Variants in UGT1A8 observed in about 807,000 individuals in gnomAD.
UGT1A8 encodes the protein UDP-glucuronosyltransferase 1A8.
Under a neutral mutation model 45.3 loss-of-function variants are expected in UGT1A8, and 39 were observed. That is an observed-to-expected ratio of 0.86 (90% CI 0.67 to 1.12). The LOEUF is 1.12. Among genes scored for constraint, UGT1A8 ranks in the 50% most tolerant of loss-of-function variants. UGT1A8 has a pLI of 0.00. For synonymous variants in UGT1A8, 275 were observed against 249.2 expected (o/e 1.10, Z -0.97); for missense variants, 719 against 664.9 (o/e 1.08, Z -0.90).
chr2:233,691,615 C>T lies in UGT1A8; in HGVS notation c.855+73053C>T. 4.1e-6 allele frequency: 4 copies of T among 985,680 alleles called. No homozygotes were observed. In the South Asian group the frequency reaches 1.9e-4, roughly 46 times the overall value. The allele number at this position is 985,680 out of a possible 1,614,324, so 61.1% of individuals were successfully genotyped here. ...TACACAGGTCTTGCTCTGGGACCGC[C>T]CTCAGCAGTGTGGTTAGCAGGCAGG... On this transcript the variant is annotated intron_variant, in intron 1 of 4. Coordinates refer to ENST00000373450, the MANE Select transcript of UGT1A8 (RefSeq NM_019076.5).
At chr2:233,646,558 T>A (rs1025962848) in intron 1 of UGT1A8, among the ~76,000 whole-genome samples, 2 of 152,162 alleles carry the variant, frequency 1.3e-5, no homozygotes, top group Admixed American at 1.3e-4. Flanking sequence ...TTACCCTAAA[T>A]CATCTTTCTA....
At chr2:233,742,275 G>A (rs530513116) in intron 1 of UGT1A8, among the ~76,000 whole-genome samples, 1 of 152,110 alleles carries the variant, frequency 6.6e-6, no homozygotes, top group East Asian at 1.9e-4. Context: ...CCTGTGATAA[G>A]CATCATTTCT....
chr2:233,671,900 A>G (rs2074201985), intron 1 of UGT1A8: 2 of 1,573,802 alleles, frequency 1.3e-6, no homozygotes, highest in African/African-American at 1.4e-5. Context: ...AGGAGCTTAG[A>G]TTCCCAGCTG....
chr2:233,748,077 C>T, intron 1 of UGT1A8: 1 of 1,613,256 alleles, frequency 6.2e-7, no homozygotes, highest in Non-Finnish European at 8.5e-7. Flanking sequence ...GCCACTATCT[C>T]AGGTCGGTGT....
intron 1 of UGT1A8, chr2:233,648,072 C>T: frequency 1.9e-6 from 3 of 1,546,430 alleles, no homozygotes; most frequent in South Asian, 1.3e-5. Context: ...CTTCTTCAAC[C>T]TTATACACCC....
At chr2:233,640,183 A>G (rs2073414435) in intron 1 of UGT1A8, among the ~76,000 whole-genome samples, 1 of 152,234 alleles carries the variant, frequency 6.6e-6, no homozygotes, top group Admixed American at 6.5e-5. Flanking sequence ...GTTTACTTCA[A>G]GTATTTATTT....
intron 1 of UGT1A8, among the ~76,000 whole-genome samples, chr2:233,635,264 T>C (rs547738684): frequency 2.1e-4 from 32 of 150,734 alleles, no homozygotes; most frequent in African/African-American, 7.4e-4. Context: ...TTGGTGAATC[T>C]GATGATTATG....
At chr2:233,716,982 C>T (rs1450742007) in intron 1 of UGT1A8, among the ~76,000 whole-genome samples, 2 of 152,212 alleles carry the variant, frequency 1.3e-5, no homozygotes. Context: ...TCCCCACAGT[C>T]CTGCTGTCCT....
At chr2:233,718,225 A>G (rs1206675638) in intron 1 of UGT1A8, among the ~76,000 whole-genome samples, 1 of 152,212 alleles carries the variant, frequency 6.6e-6, no homozygotes, top group Admixed American at 6.5e-5. Context: ...GCCACTTCAG[A>G]GAGAGTCCTC....
chr2:233,668,184 TC>T (rs1273143636), intron 1 of UGT1A8, among the ~76,000 whole-genome samples: 3 of 152,156 alleles, frequency 2.0e-5, no homozygotes, highest in Non-Finnish European at 2.9e-5. Context: ...TAGGTATTTT[TC>T]CTAATGCTAT....
At chr2:233,665,318 T>C (rs1396118331) in intron 1 of UGT1A8, among the ~76,000 whole-genome samples, 1 of 152,208 alleles carries the variant, frequency 6.6e-6, no homozygotes, top group African/African-American at 2.4e-5. Flanking sequence ...TTTTGCACAT[T>C]AGTATGTAAA....
intron 1 of UGT1A8, among the ~76,000 whole-genome samples, chr2:233,632,442 C>A (rs1210939629): frequency 6.6e-6 from 1 of 152,184 alleles, no homozygotes; most frequent in Non-Finnish European, 1.5e-5. Context: ...GCCATTTTCA[C>A]AATATTGATT....
chr2:233,631,981 G>T (rs1483331267), intron 1 of UGT1A8, among the ~76,000 whole-genome samples: 2 of 152,162 alleles, frequency 1.3e-5, no homozygotes, highest in African/African-American at 2.4e-5. Flanking sequence ...TTATGTTTAA[G>T]TCTTTAATCC....
intron 1 of UGT1A8, among the ~76,000 whole-genome samples, chr2:233,657,591 C>G (rs1413940121): frequency 1.3e-5 from 2 of 152,226 alleles, no homozygotes; most frequent in Non-Finnish European, 2.9e-5. Flanking sequence ...ATACCTCCCA[C>G]TAAGCCCCAC....
intron 1 of UGT1A8, chr2:233,682,268 A>G (rs745592985): frequency 1.2e-6 from 2 of 1,614,204 alleles, no homozygotes; most frequent in Admixed American, 3.3e-5. Context: ...TCTATTAACA[A>G]GTTCATCCAA....
chr2:233,743,474 G>T (rs762879751), intron 1 of UGT1A8: 8 of 1,366,712 alleles, frequency 5.9e-6, no homozygotes, highest in Middle Eastern at 2.1e-4. Context: ...CCAAAAGCTG[G>T]AAATTCACTG....
chr2:233,618,570 A>C lies in UGT1A8; in HGVS notation c.855+8A>C. 2.5e-6 allele frequency: 4 copies of C among 1,611,236 alleles called. No homozygotes were observed. The highest frequency in any genetic ancestry group is 3.4e-6 in the Non-Finnish European group (4 of 1,177,946). On this transcript the variant is annotated splice_region_variant and intron_variant, in intron 1 of 4. Coordinates refer to ENST00000373450, the MANE Select transcript of UGT1A8 (RefSeq NM_019076.5). Reference sequence around the variant, plus strand: ...GGAAAGCCATTGCCTATGGTAAGTCACCTCTCCTTTAGCACATTAGGAATA... The same window carrying C: ...GGAAAGCCATTGCCTATGGTAAGTCCCCTCTCCTTTAGCACATTAGGAATA...
chr2:233,693,505 T>G, intron 1 of UGT1A8: 2 of 1,614,198 alleles, frequency 1.2e-6, no homozygotes, highest in Non-Finnish European at 1.7e-6. Context: ...GCCTACCATC[T>G]GTGTACCTCT....
At chr2:233,765,256 G>A (rs1698788052) in intron 1 of UGT1A8, among the ~76,000 whole-genome samples, 1 of 152,096 alleles carries the variant, frequency 6.6e-6, no homozygotes, top group African/African-American at 2.4e-5. Flanking sequence ...CCATTACTGG[G>A]TATATACCCA....
Sources: allele counts gnomAD v4.1 joint callset (sites outside exome capture counted in the v4.1 genomes callset), GRCh38; gene constraint gnomAD v4.1.1; transcripts MANE v1.5; gene names NCBI Gene and HGNC (gene_info 2026-07-23, HGNC 2026-07-21).